RBKS: variants seen among roughly 807,000 people sequenced by gnomAD.
RBKS encodes the protein ribokinase.
In RBKS, 33 loss-of-function variants were observed where a neutral mutation model predicts 33.9. The observed-to-expected ratio is 0.97, with a 90% CI of 0.74 to 1.30. RBKS has a LOEUF of 1.30. Among genes scored for constraint, RBKS ranks in the 50% most tolerant of loss-of-function variants. RBKS has a pLI of 0.00. For synonymous variants in RBKS, 125 were observed against 143.0 expected (o/e 0.87, Z 0.90); for missense variants, 361 against 392.6 (o/e 0.92, Z 0.68).
intron 1 of RBKS, among the ~76,000 whole-genome samples, chr2:27,861,155 A>G (rs1030623527): frequency 3.3e-5 from 5 of 151,922 alleles, no homozygotes; most frequent in Admixed American, 2.0e-4. Flanking sequence ...TTTGGTAGAG[A>G]GGGGGTTTCA....
intron 7 of RBKS, among the ~76,000 whole-genome samples, chr2:27,794,441 T>G (rs1301384835): frequency 6.6e-6 from 1 of 151,506 alleles, no homozygotes; most frequent in African/African-American, 2.4e-5. Context: ...CCCTGAATGA[T>G]TTCTCTCTTT....
At chr2:27,791,613 TAC>T (rs59707075) in intron 7 of RBKS, among the ~76,000 whole-genome samples, 2,170 of 140,724 alleles carry the variant, frequency 0.015, 35 homozygotes, top group African/African-American at 0.035. Flanking sequence ...ATAATAAATC[TAC>T]ACACACACAC....
intron 7 of RBKS, among the ~76,000 whole-genome samples, chr2:27,791,404 A>G (rs1321484674): frequency 1.3e-5 from 2 of 152,138 alleles, no homozygotes; most frequent in African/African-American, 4.8e-5. Flanking sequence ...GAGGGCGTGG[A>G]TGGAACTAAA....
chr2:27,843,215 G>T lies in RBKS; in HGVS notation c.366C>A (p.Val122=). ...IVNNEGQNII[V]IVAGANLLLN... The stretch of plus-strand genomic sequence containing the variant: ...AAAGTAAATTTGCTCCAGCCACTAT[G>T]ACAATGATATTCTGGCCTATAAAGA... Residue 122 remains valine, a synonymous_variant, in exon 5 of 8, where the codon GTC becomes GTA. Coordinates refer to ENST00000302188, the MANE Select transcript of RBKS (RefSeq NM_022128.3). The T allele has an allele frequency of 6.2e-7, 1 of 1,609,026 alleles. No individual in the cohort carries two copies. Among genetic ancestry groups the T allele is most frequent in the South Asian group, 1.1e-5 (1 of 89,918 alleles).
rs979250475 is a variant in RBKS at position 27,795,019 on chromosome 2, C to T, written c.796-13231G>A. Among the ~76,000 whole-genome samples, 1 of 152,160 alleles carries T rather than the reference C, an allele frequency of 6.6e-6. No individual in the cohort carries two copies. The highest frequency in any genetic ancestry group is 2.4e-5 in the African/African-American group (1 of 41,432). On this transcript the variant is annotated intron_variant, in intron 7 of 7. Coordinates refer to ENST00000302188, the MANE Select transcript of RBKS (RefSeq NM_022128.3). This position sits in a 1 kb window ranked among gnomAD's most constrained non-coding sequence, Gnocchi z 4.1. ...GCAGTCCTGTTGTGATGGTATCCAG[C>T]GCCCTGTGCCAAGACCACCACTGGT... is the stretch of plus-strand genomic sequence containing the variant.
chr2:27,880,854 C>T (rs1210809606), intron 1 of RBKS, among the ~76,000 whole-genome samples: 1 of 152,100 alleles, frequency 6.6e-6, no homozygotes, highest in African/African-American at 2.4e-5. Flanking sequence ...AAGCAATTTA[C>T]AGATTCAATG....
In RBKS at chr2:27,795,590, C is replaced by T. The variant is rs771955295; in HGVS notation, c.796-13802G>A. ...TTCATCTTCACACTGACCCTGCACT[C>T]CCCCGCCACTGAAACTTGAGGGAAT... is the stretch of plus-strand genomic sequence containing the variant. On this transcript the variant is annotated intron_variant, in intron 7 of 7. Coordinates refer to ENST00000302188, the MANE Select transcript of RBKS (RefSeq NM_022128.3). This position sits in a 1 kb window ranked among gnomAD's most constrained non-coding sequence, Gnocchi z 4.1. Among the ~76,000 whole-genome samples the T allele has an allele frequency of 7.2e-5, 11 of 152,132 alleles. No homozygotes were observed. The highest frequency in any genetic ancestry group is 1.0e-4 in the Non-Finnish European group (7 of 68,012).
intron 3 of RBKS, 124 bp downstream of exon 3, chr2:27,847,910 T>G: frequency 1.5e-6 from 1 of 656,470 alleles, no homozygotes; most frequent in Non-Finnish European, 2.8e-6. Context: ...GACAAAGCTG[T>G]GCATAGAAAT....
At chr2:27,831,470 C>G (rs1678412528) in intron 6 of RBKS, among the ~76,000 whole-genome samples, 1 of 152,174 alleles carries the variant, frequency 6.6e-6, no homozygotes, top group Admixed American at 6.5e-5. Flanking sequence ...CTATTTCCCA[C>G]AATTCCTTCT....
intron 7 of RBKS, among the ~76,000 whole-genome samples, chr2:27,801,636 T>C (rs1677786146): frequency 3.9e-5 from 6 of 152,074 alleles, no homozygotes; most frequent in Admixed American, 3.3e-4. Flanking sequence ...TGCATTGCTA[T>C]AAAGAAATAC....
chr2:27,842,404 T>A (rs1663528520), intron 5 of RBKS, among the ~76,000 whole-genome samples: 1 of 152,202 alleles, frequency 6.6e-6, no homozygotes, highest in Non-Finnish European at 1.5e-5. Context: ...CAATGGACAT[T>A]GATAACATAG....
At chr2:27,874,959 C>T (rs1336302240) in intron 1 of RBKS, among the ~76,000 whole-genome samples, 1 of 152,204 alleles carries the variant, frequency 6.6e-6, no homozygotes, top group Admixed American at 6.5e-5. Context: ...AGCATCTTTA[C>T]ATTTTCTTTT....
chr2:27,781,467 A>G lies in RBKS; in HGVS notation c.*148T>C. ...GAAAGCAAAAGAATCATCGTTATAAATAAATTGAAGCTTGAGGATGACTTC... is the reference window on the plus strand; with the variant it reads ...GAAAGCAAAAGAATCATCGTTATAAGTAAATTGAAGCTTGAGGATGACTTC... On this transcript the variant is annotated 3_prime_UTR_variant, in exon 8 of 8. Transcript: ENST00000302188. 3 of 625,866 alleles carry G rather than the reference A, an allele frequency of 4.8e-6. No homozygotes were observed. The highest frequency in any genetic ancestry group is 8.1e-6 in the Non-Finnish European group (3 of 372,586). 38.8% of individuals were successfully genotyped at this position (625,866 alleles called of 1,614,324 possible). A position where few individuals can be genotyped will look rare whatever the true frequency, so the allele number is the denominator to read the frequency against.
intron 1 of RBKS, among the ~76,000 whole-genome samples, chr2:27,869,619 C>T (rs765642125): frequency 9.2e-5 from 14 of 152,110 alleles, no homozygotes; most frequent in Non-Finnish European, 1.9e-4. Context: ...AAGCACATTC[C>T]ATTTATTGTG....
At chr2:27,888,319 G>A (rs1170421503) in intron 1 of RBKS, among the ~76,000 whole-genome samples, 1 of 152,022 alleles carries the variant, frequency 6.6e-6, no homozygotes, top group Non-Finnish European at 1.5e-5. Flanking sequence ...GTAGAGATGG[G>A]GTTTCACCAT....
In RBKS at chr2:27,781,533, T is replaced by C; in HGVS notation, c.*82A>G. 8.9e-7 allele frequency: 1 copy of C among 1,122,146 alleles called. No homozygotes were observed. Among genetic ancestry groups the C allele is most frequent in the Non-Finnish European group, 1.3e-6 (1 of 797,778 alleles). 69.5% of individuals were successfully genotyped at this position (1,122,146 alleles called of 1,614,324 possible). Reference sequence around the variant, plus strand: ...TTTGCAAAGAAAGGGGACGAGGACATTTTCTAATAAGCATTAGCCAGGAGC... The same window carrying C: ...TTTGCAAAGAAAGGGGACGAGGACACTTTCTAATAAGCATTAGCCAGGAGC... On this transcript the variant is annotated 3_prime_UTR_variant, in exon 8 of 8. Transcript: ENST00000302188.
Position 27,813,483 on chromosome 2 carries a change from A to G in RBKS, c.795+14084T>C, listed in dbSNP as rs554248738. On this transcript the variant is annotated intron_variant, in intron 7 of 7. Transcript: ENST00000302188. ...ATGAAAAATACGGTTTCTAAACACA[A>G]AAACAGGTTTCTAAACAAATTAGGC... Among the ~76,000 whole-genome samples, 31 of 152,306 alleles carry G rather than the reference A, an allele frequency of 2.0e-4. 2 individuals carry two copies. In the South Asian group the frequency reaches 6.0e-3, roughly 30 times the overall value.
chr2:27,855,914 C>T (rs1328109150), intron 2 of RBKS, among the ~76,000 whole-genome samples: 1 of 152,032 alleles, frequency 6.6e-6, no homozygotes, highest in East Asian at 1.9e-4. Context: ...AAAATTTTTA[C>T]CTGTTTTTCT....
intron 3 of RBKS, among the ~76,000 whole-genome samples, chr2:27,847,324 A>C (rs1162646113): frequency 6.6e-6 from 1 of 152,228 alleles, no homozygotes; most frequent in Non-Finnish European, 1.5e-5. Context: ...TCTCTGCATT[A>C]GTAACAACCC....
Sources: gnomAD v4.1 joint callset for allele counts (sites outside exome capture counted in the v4.1 genomes callset) on GRCh38, gnomAD v4.1.1 for gene constraint, Gnocchi (gnomAD v3.1) non-coding constraint, MANE v1.5 for transcripts, NCBI Gene and HGNC (gene_info 2026-07-23, HGNC 2026-07-21) for gene names.